Variants in ADAMTS20 observed in about 807,000 individuals in gnomAD.
ADAMTS20 encodes ADAM metallopeptidase with thrombospondin type 1 motif 20, also known as A disintegrin and metalloproteinase with thrombospondin motifs 20.
In ADAMTS20, 225 loss-of-function variants were observed where a neutral mutation model predicts 260.1. That is an observed-to-expected ratio of 0.87 (90% CI 0.78 to 0.97). The LOEUF is 0.97. Among genes scored for constraint, ADAMTS20 ranks in the 50% least tolerant of loss-of-function variants. The pLI, the probability that ADAMTS20 is intolerant of heterozygous loss-of-function variation, is 0.00. For synonymous variants in ADAMTS20, 802 were observed against 769.5 expected, an observed-to-expected ratio of 1.04 and a Z score of -0.70; for missense variants, 2,400 against 2,337.7, an observed-to-expected ratio of 1.03 and a Z score of -0.55.
At chr12:43,417,445 A>G (rs1221002180) in intron 28 of ADAMTS20, among the ~76,000 whole-genome samples, 1 of 152,230 alleles carries the variant, frequency 6.6e-6, no homozygotes, top group East Asian at 1.9e-4. Context: ...ATAACAAAGT[A>G]CCTTCCTGGA....
chr12:43,481,302 C>A (rs1314229387), intron 7 of ADAMTS20, among the ~76,000 whole-genome samples: 4 of 151,742 alleles, frequency 2.6e-5, no homozygotes, highest in African/African-American at 9.7e-5. Context: ...ATTTCACTAT[C>A]TGCAGAAAAA....
At chr12:43,542,476 G>T in intron 2 of ADAMTS20, among the ~76,000 whole-genome samples, 1 of 151,012 alleles carries the variant, frequency 6.6e-6, no homozygotes, top group East Asian at 2.0e-4. Flanking sequence ...CAATTATTTT[G>T]ACATGGAACT....
chr12:43,441,594 G>GT (rs1305895049), intron 16 of ADAMTS20, among the ~76,000 whole-genome samples: 1 of 152,098 alleles, frequency 6.6e-6, no homozygotes, highest in Non-Finnish European at 1.5e-5. Flanking sequence ...AAAAATGTTT[G>GT]TAAGTGTGTG....
Position 43,434,352 on chromosome 12 carries a change from T to C in ADAMTS20, c.2613A>G (p.Ile871Met). The C allele has an allele frequency of 1.3e-6, 2 of 1,586,628 alleles. No homozygotes were observed. Among genetic ancestry groups the C allele is most frequent in the South Asian group, 1.2e-5 (1 of 86,104 alleles). ...TATGATCACTCTTATGTATGCAAGT[T>C]ATGTTTCTTCGCTGAAGACCTTGGC... is the stretch of plus-strand genomic sequence containing the variant. ...KMCQGLQRRN[I>M]TCIHKSDHSV... The change falls in exon 19 of 39, where the codon ATA (isoleucine) becomes ATG (methionine). Residue 871 changes from isoleucine (I) to methionine (M), a missense_variant. By Grantham distance (10) the Ile-to-Met change is conservative. Coordinates refer to ENST00000389420, the MANE Select transcript of ADAMTS20 (RefSeq NM_025003.5).
chr12:43,491,443 T>C (rs537342903), intron 6 of ADAMTS20, among the ~76,000 whole-genome samples: 1 of 152,330 alleles, frequency 6.6e-6, no homozygotes, highest in African/African-American at 2.4e-5. Flanking sequence ...TATATTACAT[T>C]GGCTGAAGTT....
intron 3 of ADAMTS20, among the ~76,000 whole-genome samples, chr12:43,530,671 G>A (rs1260933829): frequency 6.6e-6 from 1 of 152,000 alleles, no homozygotes; most frequent in East Asian, 1.9e-4. Context: ...TACTTTGATG[G>A]TAACTGCAGG....
At chr12:43,426,648 C>A (rs1464944168) in intron 27 of ADAMTS20, among the ~76,000 whole-genome samples, 1 of 152,150 alleles carries the variant, frequency 6.6e-6, no homozygotes. Context: ...TAACTGACAA[C>A]TATCTGGCTT....
chr12:43,438,291 G>T (rs554626548), intron 18 of ADAMTS20, among the ~76,000 whole-genome samples: 122 of 152,024 alleles, frequency 8.0e-4, no homozygotes, highest in Non-Finnish European at 1.6e-3. Flanking sequence ...TCTCCTTCTA[G>T]CTCCTTATAT....
At chr12:43,361,965 G>T (rs1021652195) in intron 37 of ADAMTS20, among the ~76,000 whole-genome samples, 3 of 152,210 alleles carry the variant, frequency 2.0e-5, no homozygotes, top group African/African-American at 7.2e-5. Flanking sequence ...ACAAGGACCA[G>T]ATTTCCAGAA....
At chr12:43,476,766 A>G (rs1001370530) in intron 7 of ADAMTS20, among the ~76,000 whole-genome samples, 7 of 142,982 alleles carry the variant, frequency 4.9e-5, no homozygotes, top group Non-Finnish European at 9.1e-5. Flanking sequence ...AACACCGTAT[A>G]TTCTCACTCA....
At chr12:43,461,071 A>G (rs982939611) in intron 11 of ADAMTS20, among the ~76,000 whole-genome samples, 4 of 141,748 alleles carry the variant, frequency 2.8e-5, no homozygotes, top group Non-Finnish European at 6.0e-5. Context: ...GCTCACTGCA[A>G]CCTCCGCCTC....
At chr12:43,483,437 C>T (rs185053804) in intron 7 of ADAMTS20, among the ~76,000 whole-genome samples, 3 of 152,218 alleles carry the variant, frequency 2.0e-5, no homozygotes, top group Non-Finnish European at 4.4e-5. Flanking sequence ...CCCTGGTGCT[C>T]ATGAAGGGTC....
At chr12:43,472,813 C>A (rs1337729640) in intron 7 of ADAMTS20, among the ~76,000 whole-genome samples, 1 of 151,184 alleles carries the variant, frequency 6.6e-6, no homozygotes, top group Non-Finnish European at 1.5e-5. Context: ...ACCAAGCCTG[C>A]CCTAAAAGAG....
intron 18 of ADAMTS20, among the ~76,000 whole-genome samples, chr12:43,439,054 A>G (rs1037867814): frequency 3.9e-5 from 6 of 152,248 alleles, no homozygotes; most frequent in Non-Finnish European, 7.3e-5. Context: ...TTAAATATTC[A>G]TAATTACAGA....
At chr12:43,530,456 T>C (rs1943204686) in intron 3 of ADAMTS20, among the ~76,000 whole-genome samples, 1 of 152,156 alleles carries the variant, frequency 6.6e-6, no homozygotes, top group Admixed American at 6.5e-5. Flanking sequence ...AGGCATCTAT[T>C]ATGTCAATAG....
At chr12:43,482,882 T>A (rs1002938763) in intron 7 of ADAMTS20, among the ~76,000 whole-genome samples, 8 of 152,118 alleles carry the variant, frequency 5.3e-5, no homozygotes, top group African/African-American at 1.9e-4. Flanking sequence ...TTACAACATC[T>A]GTAGGTCAGA....
chr12:43,482,560 C>T (rs762067949), intron 7 of ADAMTS20, among the ~76,000 whole-genome samples: 3 of 152,262 alleles, frequency 2.0e-5, no homozygotes, highest in East Asian at 3.9e-4. Flanking sequence ...TGCTCCTCCC[C>T]GGAACATTAC....
At chr12:43,459,343 G>A (rs778836157) in intron 11 of ADAMTS20, among the ~76,000 whole-genome samples, 6 of 152,150 alleles carry the variant, frequency 3.9e-5, no homozygotes, top group Non-Finnish European at 7.3e-5. Context: ...TCCTAATCAG[G>A]CTGAACACTA....
At chr12:43,371,399 T>C (rs1940104213) in intron 36 of ADAMTS20, among the ~76,000 whole-genome samples, 1 of 152,088 alleles carries the variant, frequency 6.6e-6, no homozygotes, top group Non-Finnish European at 1.5e-5. Context: ...AACACAACAG[T>C]GGGTGAAACA....
Sources: gnomAD v4.1 joint callset for allele counts (sites outside exome capture counted in the v4.1 genomes callset) on GRCh38, gnomAD v4.1.1 for gene constraint, MANE v1.5 for transcripts, NCBI Gene and HGNC (gene_info 2026-07-23, HGNC 2026-07-21) for gene names.